Variants in FMO5 observed in about 807,000 individuals in gnomAD.
FMO5 encodes the protein flavin containing dimethylaniline monoxygenase 5.
Under a neutral mutation model 43.6 loss-of-function variants are expected in FMO5, and 51 were observed. That is an observed-to-expected ratio of 1.17 (90% CI 0.93 to 1.48). The LOEUF (loss-of-function observed/expected upper bound fraction) is 1.48, where lower values mean the gene tolerates loss of function less well. Among genes scored for constraint, FMO5 ranks in the 40% most tolerant of loss-of-function variants. The pLI, the probability that FMO5 is intolerant of heterozygous loss-of-function variation, is 0.00. For synonymous variants in FMO5, 187 were observed against 216.5 expected, an observed-to-expected ratio of 0.86 and a Z score of 1.20; for missense variants, 644 against 643.0, an observed-to-expected ratio of 1.00 and a Z score of -0.02.
chr1:147,220,273 G>A (rs1359054229), intron 2 of FMO5, among the ~76,000 whole-genome samples: 2 of 152,154 alleles, frequency 1.3e-5, no homozygotes, highest in African/African-American at 4.8e-5. Context: ...GCATGAATTA[G>A]AAAACACAGA....
rs587600033 is a variant in FMO5, at chr1:147,188,148, G to A, written c.1257-903C>T. On this transcript the variant is annotated intron_variant, in intron 8 of 8. Transcript: ENST00000254090. Reference sequence around the variant, plus strand: ...AGGTAAAACAGTAAAGAATTTGAGAGCTTTCCCTTATGAACAATATGTTGG... The same window carrying A: ...AGGTAAAACAGTAAAGAATTTGAGAACTTTCCCTTATGAACAATATGTTGG... 2.6e-5 allele frequency among the ~76,000 whole-genome samples: 4 copies of A among 152,242 alleles called. No individual in the cohort carries two copies. The East Asian group carries it at 7.7e-4, about 29-fold the overall frequency.
intron 6 of FMO5, among the ~76,000 whole-genome samples, chr1:147,202,938 T>C (rs1386684891): frequency 2.6e-5 from 4 of 152,152 alleles, no homozygotes; most frequent in African/African-American, 9.7e-5. Flanking sequence ...CTCCTTGTTA[T>C]CTCAACCAGA....
In FMO5 at chr1:147,213,384, C is replaced by A. The variant is rs782320213; in HGVS notation, c.411G>T (p.Glu137Asp). 1 of 1,613,766 alleles carries A rather than the reference C, an allele frequency of 6.2e-7. No homozygotes were observed. Among genetic ancestry groups the A allele is most frequent in the Non-Finnish European group, 8.5e-7 (1 of 1,179,832 alleles). ...CCATGACTCCATCAAAGACATTCAT[C>A]TCCTTTTTCCCTTCAGATTCAGTGA... ...EVVTESEGKK[E>D]MNVFDGVMVC... Residue 137 changes from glutamate (E) to aspartate (D), a missense_variant, in exon 4 of 9, where the codon GAG becomes GAT. Transcript: ENST00000254090.
Position 147,224,988 on chromosome 1 carries a change from G to A in FMO5, c.42C>T (p.Ser14=), listed in dbSNP as rs1252428164. 6.2e-7 allele frequency: 1 copy of A among 1,613,854 alleles called. No homozygotes were observed. Among genetic ancestry groups the A allele is most frequent in the Non-Finnish European group, 8.5e-7 (1 of 1,179,946 alleles). Residue 14 remains serine, a synonymous_variant, in exon 2 of 9, where the codon AGC becomes AGT. Coordinates refer to ENST00000254090, the MANE Select transcript of FMO5 (RefSeq NM_001461.4). ...KRIAVIGGGV[S]GLSSIKCCVE... Reference sequence around the variant, plus strand: ...CGCAGCACTTGATGGAAGAGAGCCCGCTCACTCCTCCCCCAATCACAGCAA... The same window carrying A: ...CGCAGCACTTGATGGAAGAGAGCCCACTCACTCCTCCCCCAATCACAGCAA...
chr1:147,184,586 A>C, downstream of FMO5: 1 of 1,548,578 alleles, frequency 6.5e-7, no homozygotes, highest in Non-Finnish European at 8.7e-7. This position sits in a 1 kb window ranked among gnomAD's most constrained non-coding sequence, Gnocchi z 4.4. Flanking sequence ...TATTTGTAGA[A>C]TATTCTTCAA....
At chr1:147,212,593 T>C (rs782604962) in intron 4 of FMO5, 58 bp from the exon 5 acceptor site, 3 of 1,501,248 alleles carry the variant, frequency 2.0e-6, no homozygotes, top group African/African-American at 1.4e-5. Context: ...ATATCATTTG[T>C]CAAGTCATTT....
At chr1:147,218,330 G>A (rs1662373876) in intron 2 of FMO5, among the ~76,000 whole-genome samples, 1 of 151,642 alleles carries the variant, frequency 6.6e-6, no homozygotes, top group Admixed American at 6.6e-5. Context: ...CTGCCTCCTG[G>A]GTTCAAGCAA....
chr1:147,201,356 T>A lies in FMO5; in HGVS notation c.979A>T (p.Ile327Phe), dbSNP rs1553920917. The A allele has an allele frequency of 1.2e-6, 2 of 1,614,198 alleles. No homozygotes were observed. Among genetic ancestry groups the A allele is most frequent in the Admixed American group, 1.7e-5 (1 of 60,026 alleles). Residue 327 changes from isoleucine (I) to phenylalanine (F), a missense_variant, in exon 7 of 9, where the codon ATC (isoleucine) becomes TTC (phenylalanine). Physicochemically the swap from Ile to Phe is conservative, Grantham distance 21. Transcript: ENST00000254090. Reference protein sequence around the residue: ...GSREDDIDAVIFATGYSFDFP... With the variant: ...GSREDDIDAVFFATGYSFDFP... ...TCAAAGCTATAGCCTGTGGCAAAGA[T>A]AACAGCATCAATGTCATCCTCCCTG...
chr1:147,193,744 C>A (rs1379392589), intron 7 of FMO5, among the ~76,000 whole-genome samples: 1 of 152,104 alleles, frequency 6.6e-6, no homozygotes, highest in African/African-American at 2.4e-5. Context: ...ATCTTTATTT[C>A]TGCTTTCGTT....
chr1:147,192,807 A>G (rs1191101502), intron 7 of FMO5, among the ~76,000 whole-genome samples: 2 of 152,116 alleles, frequency 1.3e-5, no homozygotes, highest in Non-Finnish European at 2.9e-5. Context: ...TATATGCTGG[A>G]TTACATTTAT....
At chr1:147,218,181 A>G (rs587642334) in intron 2 of FMO5, among the ~76,000 whole-genome samples, 1 of 152,308 alleles carries the variant, frequency 6.6e-6, no homozygotes, top group East Asian at 1.9e-4. Context: ...AATTAGTAAC[A>G]ATGTTAAATG....
intron 4 of FMO5, among the ~76,000 whole-genome samples, chr1:147,213,078 G>T (rs782357321): frequency 6.6e-6 from 1 of 152,020 alleles, no homozygotes; most frequent in South Asian, 2.1e-4. Context: ...TTGATACAAT[G>T]ACTAAAGTCA....
At chr1:147,207,186 A>G (rs1660245867) in intron 6 of FMO5, among the ~76,000 whole-genome samples, 1 of 152,140 alleles carries the variant, frequency 6.6e-6, no homozygotes. Context: ...TGAAGTATTT[A>G]AAGTGTCTTA....
chr1:147,226,717 C>G (rs1305611380), upstream of FMO5, among the ~76,000 whole-genome samples: 1 of 152,136 alleles, frequency 6.6e-6, no homozygotes, highest in Non-Finnish European at 1.5e-5. Flanking sequence ...TCTGCACCTG[C>G]TAATCTTGGA....
intron 7 of FMO5, among the ~76,000 whole-genome samples, chr1:147,197,711 A>G (rs1658251052): frequency 6.6e-6 from 1 of 152,164 alleles, no homozygotes; most frequent in South Asian, 2.1e-4. Context: ...CTGTGAGTGA[A>G]TTAAACCTCT....
chr1:147,189,067 A>G (rs1656187551), intron 8 of FMO5, among the ~76,000 whole-genome samples: 1 of 152,020 alleles, frequency 6.6e-6, no homozygotes, highest in South Asian at 2.1e-4. Context: ...CAAGGTCAGG[A>G]GTTTGAGACC....
chr1:147,184,471 ATAC>A (rs1655448172), downstream of FMO5: 1 of 1,488,508 alleles, frequency 6.7e-7, no homozygotes, highest in Non-Finnish European at 8.9e-7. This position sits in a 1 kb window ranked among gnomAD's most constrained non-coding sequence, Gnocchi z 4.4. Flanking sequence ...TCCATCCAGG[ATAC>A]TACATTACAT....
intron 7 of FMO5, among the ~76,000 whole-genome samples, chr1:147,197,672 T>C (rs1404451452): frequency 4.6e-5 from 7 of 152,160 alleles, no homozygotes; most frequent in Admixed American, 4.6e-4. Context: ...TGATTGTAAG[T>C]TTCCTGAGGC....
chr1:147,190,321 A>G, intron 7 of FMO5, 72 bp from the exon 8 acceptor site: 1 of 959,858 alleles, frequency 1.0e-6, no homozygotes, highest in Non-Finnish European at 1.6e-6. Flanking sequence ...AACAATTACT[A>G]TGCTATGGAG....
Sources: gnomAD v4.1 joint callset for allele counts (sites outside exome capture counted in the v4.1 genomes callset) on GRCh38, gnomAD v4.1.1 for gene constraint, Gnocchi (gnomAD v3.1) non-coding constraint, MANE v1.5 for transcripts, NCBI Gene and HGNC (gene_info 2026-07-23, HGNC 2026-07-21) for gene names.